The following RBFOX1 variants were observed in gnomAD, a reference collection of about 807,000 sequenced individuals.
RBFOX1 encodes the protein RNA binding fox-1 homolog 1.
In RBFOX1, 8 loss-of-function variants were observed where a neutral mutation model predicts 57.7. The ratio of observed to expected loss-of-function variants is 0.14; its 90% confidence interval spans 0.08 to 0.25. The LOEUF (loss-of-function observed/expected upper bound fraction) is 0.25. RBFOX1 is among the 10% of genes least tolerant of loss of function. The probability of loss-of-function intolerance (pLI) is 1.00; values close to 1 mark genes in which losing one functional copy is unlikely to be tolerated. For synonymous variants in RBFOX1, 326 were observed against 222.4 expected (o/e 1.47, Z -4.15); for missense variants, 611 against 548.5 (o/e 1.11, Z -1.14).
intron 4 of RBFOX1, among the ~76,000 whole-genome samples, chr16:5,949,246 G>A (rs1031545617): frequency 6.6e-6 from 1 of 152,124 alleles, no homozygotes; most frequent in Non-Finnish European, 1.5e-5. Flanking sequence ...TCCCAGAAGT[G>A]TCCTTTCTAG....
At chr16:6,830,372 C>G (rs1432737012) in intron 3 of RBFOX1, among the ~76,000 whole-genome samples, 1 of 151,046 alleles carries the variant, frequency 6.6e-6, no homozygotes, top group African/African-American at 2.4e-5. Context: ...CTTTTTTTTT[C>G]CAGTTTATCT....
chr16:6,462,453 T>C (rs961976540), intron 2 of RBFOX1, among the ~76,000 whole-genome samples: 1 of 152,230 alleles, frequency 6.6e-6, no homozygotes, highest in African/African-American at 2.4e-5. Context: ...CATATCTGCA[T>C]AGTATTCCAT....
chr16:5,620,339 C>T (rs948918781), intron 3 of RBFOX1, among the ~76,000 whole-genome samples: 5 of 152,180 alleles, frequency 3.3e-5, no homozygotes, highest in African/African-American at 4.8e-5. Context: ...TGTGGAGAGA[C>T]ATCACATTGT....
chr16:7,114,111 A>G (rs1393397760), intron 4 of RBFOX1, among the ~76,000 whole-genome samples: 1 of 152,218 alleles, frequency 6.6e-6, no homozygotes, highest in Non-Finnish European at 1.5e-5. Flanking sequence ...TTAAGAAAAA[A>G]GAAACCTGAA....
intron 3 of RBFOX1, among the ~76,000 whole-genome samples, chr16:6,661,221 G>C (rs1300867981): frequency 6.6e-6 from 1 of 152,150 alleles, no homozygotes; most frequent in South Asian, 2.1e-4. Flanking sequence ...AGTTTCAAGA[G>C]ACTTACAAGA....
chr16:5,625,178 T>G (rs917189857), intron 3 of RBFOX1, among the ~76,000 whole-genome samples: 22 of 152,324 alleles, frequency 1.4e-4, no homozygotes, highest in African/African-American at 4.6e-4. Context: ...TTGGCTAGGC[T>G]TTACTGGAAG....
At chr16:6,507,920 T>C (rs1026117874) in intron 2 of RBFOX1, among the ~76,000 whole-genome samples, 4 of 152,160 alleles carry the variant, frequency 2.6e-5, no homozygotes, top group African/African-American at 9.7e-5. Flanking sequence ...ACACTTACGT[T>C]CATTGCATCA....
intron 4 of RBFOX1, among the ~76,000 whole-genome samples, chr16:6,009,185 C>G (rs777667801): frequency 6.6e-6 from 1 of 151,662 alleles, no homozygotes; most frequent in Admixed American, 6.6e-5. Context: ...AACAGTGATT[C>G]CAGGTCCAGG....
chr16:5,281,431 T>C (rs1458112025), intron 1 of RBFOX1, among the ~76,000 whole-genome samples: 1 of 152,186 alleles, frequency 6.6e-6, no homozygotes, highest in Non-Finnish European at 1.5e-5. Flanking sequence ...TGAAAATAAC[T>C]GTTAGGTCCA....
intron 4 of RBFOX1, among the ~76,000 whole-genome samples, chr16:7,468,100 T>G (rs2060856131): frequency 6.6e-6 from 1 of 152,156 alleles, no homozygotes; most frequent in Admixed American, 6.5e-5. Context: ...ATCACAGAAC[T>G]TGGTTGAGCT....
At chr16:7,202,591 T>G (rs1006407566) in intron 4 of RBFOX1, among the ~76,000 whole-genome samples, 4 of 152,152 alleles carry the variant, frequency 2.6e-5, no homozygotes, top group Non-Finnish European at 5.9e-5. Context: ...AAGCAAAGCT[T>G]CTTCTGTATT....
chr16:5,480,733 C>G (rs745834659), intron 2 of RBFOX1, among the ~76,000 whole-genome samples: 2 of 152,138 alleles, frequency 1.3e-5, no homozygotes, highest in African/African-American at 2.4e-5. Context: ...TTCCCTTTGT[C>G]TTGTATCTTG....
chr16:5,400,600 C>G (rs1596862783), intron 1 of RBFOX1, among the ~76,000 whole-genome samples: 1 of 152,012 alleles, frequency 6.6e-6, no homozygotes, highest in East Asian at 1.9e-4. Context: ...AAAATTAAAA[C>G]TTACATAATA....
At chr16:7,150,738 C>T (rs984277337) in intron 4 of RBFOX1, among the ~76,000 whole-genome samples, 1 of 152,184 alleles carries the variant, frequency 6.6e-6, no homozygotes, top group African/African-American at 2.4e-5. Context: ...TTGCTTCTTA[C>T]TTGCAAAATA....
chr16:7,570,763 T>C (rs1359021184), intron 5 of RBFOX1, among the ~76,000 whole-genome samples: 1 of 152,184 alleles, frequency 6.6e-6, no homozygotes, highest in Non-Finnish European at 1.5e-5. Flanking sequence ...TATAAATCAT[T>C]CTGTTACAGA....
intron 2 of RBFOX1, among the ~76,000 whole-genome samples, chr16:6,628,381 G>A (rs150160753): frequency 2.6e-5 from 4 of 152,292 alleles, no homozygotes; most frequent in African/African-American, 9.6e-5. Context: ...TGTGGTACAT[G>A]GACATGCATT....
intron 3 of RBFOX1, among the ~76,000 whole-genome samples, chr16:6,964,488 C>T (rs769418849): frequency 1.3e-5 from 2 of 152,130 alleles, no homozygotes; most frequent in African/African-American, 4.8e-5. Context: ...TGGTTATCAA[C>T]TGTAACAAAT....
chr16:5,869,410 G>A (rs868813990), intron 4 of RBFOX1, among the ~76,000 whole-genome samples: 33 of 152,176 alleles, frequency 2.2e-4, no homozygotes, highest in Admixed American at 1.6e-3. Context: ...AGATTTATAC[G>A]TATATATTTT....
intron 3 of RBFOX1, among the ~76,000 whole-genome samples, chr16:6,714,624 G>A (rs561201707): frequency 5.3e-5 from 8 of 152,196 alleles, no homozygotes; most frequent in South Asian, 2.1e-4. Context: ...AGAAATGCAG[G>A]TATTGAAGAT....
Sources: allele counts gnomAD v4.1 joint callset (sites outside exome capture counted in the v4.1 genomes callset), GRCh38; gene constraint gnomAD v4.1.1; transcripts MANE v1.5; gene names NCBI Gene and HGNC (gene_info 2026-07-23, HGNC 2026-07-21).